Variants in RIC1 observed in about 807,000 individuals in gnomAD.
The protein encoded by RIC1 is guanine nucleotide exchange factor subunit RIC1.
RIC1 carries 88 observed loss-of-function variants against 169.0 expected under a neutral mutation model. That is an observed-to-expected ratio of 0.52 (90% CI 0.44 to 0.62). The LOEUF is 0.62. Among genes scored for constraint, RIC1 ranks in the 20% least tolerant of loss-of-function variants. The probability of loss-of-function intolerance (pLI) is 0.00; values close to 1 mark genes in which losing one functional copy is unlikely to be tolerated. For synonymous variants in RIC1, 790 were observed against 601.5 expected (o/e 1.31, Z -4.59); for missense variants, 1,877 against 1,725.5 (o/e 1.09, Z -1.56).
At chr9:5,773,150 G>C (rs1360956505) in intron 25 of RIC1, 70 bp downstream of exon 25, 4 of 839,940 alleles carry the variant, frequency 4.8e-6, no homozygotes, top group Non-Finnish European at 6.9e-6. Context: ...TTCACATTAA[G>C]GCCTAGTTAT....
At chr9:5,662,313 A>G (rs1819502020) in intron 2 of RIC1, among the ~76,000 whole-genome samples, 1 of 152,040 alleles carries the variant, frequency 6.6e-6, no homozygotes, top group African/African-American at 2.4e-5. Flanking sequence ...TGTCTCTGCC[A>G]GGTTTTGGTA....
intron 7 of RIC1, among the ~76,000 whole-genome samples, chr9:5,735,502 T>C (rs938984363): frequency 3.9e-5 from 6 of 152,220 alleles, no homozygotes; most frequent in Non-Finnish European, 4.4e-5. Context: ...GGTAGACTCT[T>C]GGCCTATAGC....
intron 2 of RIC1, among the ~76,000 whole-genome samples, chr9:5,675,829 T>C (rs993695064): frequency 3.3e-5 from 5 of 152,338 alleles, no homozygotes; most frequent in African/African-American, 7.2e-5. Flanking sequence ...GTTTTAATTA[T>C]ATACTGAATA....
chr9:5,744,087 A>G (rs187584907), intron 10 of RIC1, among the ~76,000 whole-genome samples: 1 of 151,934 alleles, frequency 6.6e-6, no homozygotes, highest in African/African-American at 2.4e-5. Context: ...ACTCTTCATT[A>G]TACAGTTCTT....
chr9:5,725,516 A>G (rs1246717388), intron 6 of RIC1, among the ~76,000 whole-genome samples: 1 of 151,862 alleles, frequency 6.6e-6, no homozygotes, highest in African/African-American at 2.4e-5. Flanking sequence ...CAGCTCCTGC[A>G]TTCATTGATT....
intron 1 of RIC1, among the ~76,000 whole-genome samples, chr9:5,653,345 T>A (rs1818912038): frequency 6.6e-6 from 1 of 152,004 alleles, no homozygotes; most frequent in African/African-American, 2.4e-5. Context: ...TTATAGTAAG[T>A]CTTGAAGTCA....
In RIC1 at chr9:5,688,245, T is replaced by G. The variant is rs964748294; in HGVS notation, c.253-1714T>G. 3.3e-5 allele frequency among the ~76,000 whole-genome samples: 5 copies of G among 152,246 alleles called. No homozygotes were observed. The East Asian group carries it at 9.6e-4, about 29-fold the overall frequency. ...TCTTACTCTTCCTGGACTCTTCAGCTTCTTCTCAACTCTGGAAGTCTGCCA... is the reference window on the plus strand; with the variant it reads ...TCTTACTCTTCCTGGACTCTTCAGCGTCTTCTCAACTCTGGAAGTCTGCCA... On this transcript the variant is annotated intron_variant, in intron 2 of 25. Coordinates refer to ENST00000414202, the MANE Select transcript of RIC1 (RefSeq NM_020829.4).
intron 3 of RIC1, among the ~76,000 whole-genome samples, chr9:5,700,211 C>T (rs751656068): frequency 2.3e-4 from 35 of 152,038 alleles, no homozygotes; most frequent in Non-Finnish European, 2.9e-5. Context: ...TTAGCTAGTT[C>T]TATAAATTTT....
intron 1 of RIC1, among the ~76,000 whole-genome samples, chr9:5,638,772 G>A (rs1205407570): frequency 6.6e-6 from 1 of 151,938 alleles, no homozygotes; most frequent in Non-Finnish European, 1.5e-5. Flanking sequence ...GCAACTTTAT[G>A]TTTCTTTGGT....
intron 1 of RIC1, among the ~76,000 whole-genome samples, chr9:5,632,079 G>T (rs1036224308): frequency 4.6e-5 from 7 of 152,186 alleles, no homozygotes; most frequent in African/African-American, 1.7e-4. Flanking sequence ...TTACAGAGTT[G>T]AAGTCTTACA....
At chr9:5,711,840 C>G (rs1822946582) in intron 3 of RIC1, among the ~76,000 whole-genome samples, 2 of 152,048 alleles carry the variant, frequency 1.3e-5, no homozygotes, top group South Asian at 4.1e-4. Context: ...GTTTTTTGTC[C>G]TTGCGACAGT....
At chr9:5,670,556 A>C (rs975108906) in intron 2 of RIC1, among the ~76,000 whole-genome samples, 21 of 152,214 alleles carry the variant, frequency 1.4e-4, no homozygotes, top group African/African-American at 5.1e-4. Context: ...TAACCATGTA[A>C]TATAAAATTG....
At chr9:5,772,398 T>C (rs1469264403) in intron 23 of RIC1, among the ~76,000 whole-genome samples, 166 bp from the exon 24 acceptor site, 1 of 152,220 alleles carries the variant, frequency 6.6e-6, no homozygotes, top group Non-Finnish European at 1.5e-5. Flanking sequence ...TCTAATTCTT[T>C]CTTTAAATGT....
At chr9:5,635,359 G>C (rs924778067) in intron 1 of RIC1, among the ~76,000 whole-genome samples, 12 of 152,042 alleles carry the variant, frequency 7.9e-5, no homozygotes, top group African/African-American at 2.9e-4. Flanking sequence ...TGAGTTGATA[G>C]TGTAAGATAA....
At chr9:5,655,197 A>G (rs936529341) in intron 1 of RIC1, among the ~76,000 whole-genome samples, 4 of 152,194 alleles carry the variant, frequency 2.6e-5, no homozygotes, top group South Asian at 2.1e-4. Flanking sequence ...TAGGTTTCTC[A>G]TAGATCTTCT....
chr9:5,747,323 C>A lies in RIC1; in HGVS notation c.1270C>A (p.Leu424Ile). Reference protein sequence around the residue: ...PCMSNQEQVLLQGEDRLYLNC... With the variant: ...PCMSNQEQVLIQGEDRLYLNC... ...TTAGAGTAACCAAGAGCAGGTGTTG[C>A]TTCAGGGTGAGGATCGCTTGTACTT... The change falls in exon 12 of 26, where the codon CTT (leucine) becomes ATT (isoleucine). Residue 424 changes from leucine to isoleucine, a missense_variant. Physicochemically the swap from Leu to Ile is conservative, Grantham distance 5 (BLOSUM62 2). Transcript: ENST00000414202. The A allele has an allele frequency of 6.2e-7, 1 of 1,614,028 alleles. No individual in the cohort carries two copies. Among genetic ancestry groups the A allele is most frequent in the Non-Finnish European group, 8.5e-7 (1 of 1,179,928 alleles).
At chr9:5,746,758 T>C (rs996973629) in intron 11 of RIC1, among the ~76,000 whole-genome samples, 10 of 152,212 alleles carry the variant, frequency 6.6e-5, no homozygotes, top group Non-Finnish European at 1.0e-4. Flanking sequence ...TAGAAATGTG[T>C]ATCTTAATAC....
chr9:5,634,200 G>A (rs1301820150), intron 1 of RIC1, among the ~76,000 whole-genome samples: 1 of 152,182 alleles, frequency 6.6e-6, no homozygotes, highest in African/African-American at 2.4e-5. Context: ...GAATATGAAA[G>A]TGCAGATATC....
chr9:5,734,222 T>G (rs993270324), intron 7 of RIC1, among the ~76,000 whole-genome samples: 4 of 151,942 alleles, frequency 2.6e-5, no homozygotes. Flanking sequence ...TTCTCCTGTC[T>G]TAGCATCCTG....
Sources: allele counts gnomAD v4.1 joint callset (sites outside exome capture counted in the v4.1 genomes callset), GRCh38; gene constraint gnomAD v4.1.1; transcripts MANE v1.5; gene names NCBI Gene and HGNC (gene_info 2026-07-23, HGNC 2026-07-21).